CHI3L1: variants seen among roughly 807,000 people sequenced by gnomAD.
CHI3L1 encodes the protein chitinase-3-like protein 1.
Under a neutral mutation model 40.7 loss-of-function variants are expected in CHI3L1, and 30 were observed. The observed-to-expected ratio is 0.74, with a 90% confidence interval of 0.55 to 1.00. The LOEUF (loss-of-function observed/expected upper bound fraction) is 1.00. Among genes scored for constraint, CHI3L1 ranks in the 50% least tolerant of loss-of-function variants. CHI3L1 has a pLI of 0.00. For missense variants in CHI3L1, 493 were observed against 492.2 expected, an observed-to-expected ratio of 1.00 and a Z score of -0.01; for synonymous variants, 210 against 192.1, an observed-to-expected ratio of 1.09 and a Z score of -0.77.
chr1:203,185,968 C>T (rs1474799381), intron 2 of CHI3L1, among the ~76,000 whole-genome samples: 1 of 152,258 alleles, frequency 6.6e-6, no homozygotes, highest in East Asian at 1.9e-4. Flanking sequence ...AATCCTTCCT[C>T]GCCTCTAATT....
chr1:203,182,865 C>T lies in CHI3L1; in HGVS notation c.466-13G>A, dbSNP rs1558148628. The T allele has an allele frequency of 4.3e-6, 7 of 1,613,788 alleles. No individual in the cohort carries two copies. The highest frequency in any genetic ancestry group is 5.1e-6 in the Non-Finnish European group (6 of 1,179,860). On this transcript the variant is annotated splice_polypyrimidine_tract_variant and intron_variant, in intron 5 of 9. Transcript: ENST00000255409. ...CGGCCTTCATTTCCTAGATGGGAGA[C>T]AGGCAGGTGAGAGAAAGGGTCCCAA...
At chr1:203,182,251 G>C (rs1655952021) in intron 6 of CHI3L1, 1 of 161,064 alleles carries the variant, frequency 6.2e-6, no homozygotes, top group African/African-American at 2.4e-5. Flanking sequence ...GTTCCTCACA[G>C]GCATGAGGGG....
At position 203,179,840 on chromosome 1, in the gene CHI3L1, A is replaced by T; in HGVS notation, c.932T>A (p.Ile311Asn). The T allele has an allele frequency of 1.2e-6, 2 of 1,614,074 alleles. No individual in the cohort carries two copies. The highest frequency in any genetic ancestry group is 1.7e-6 in the Non-Finnish European group (2 of 1,179,988). Residue 311 changes from isoleucine to asparagine, a missense_variant, in exon 9 of 10, where the codon ATC (isoleucine) becomes AAC (asparagine). Ile to Asn is a moderately radical substitution (Grantham distance 149). Coordinates refer to ENST00000255409, the MANE Select transcript of CHI3L1 (RefSeq NM_001276.4). ...DFLRGATVHRILGQQVPYATK... is the reference protein window; with the variant it reads ...DFLRGATVHRNLGQQVPYATK... ...GGCATAGGGGACCTGCTGGCCGAGG[A>T]TTCTATGGACTGTGGCTCCGCGGAG... is the stretch of plus-strand genomic sequence containing the variant.
At chr1:203,185,491 TG>T in intron 2 of CHI3L1, 106 bp from the exon 3 acceptor site, 1 of 911,798 alleles carries the variant, frequency 1.1e-6, no homozygotes, top group Admixed American at 2.0e-5. Flanking sequence ...TAGGGAGGAG[TG>T]GGGTGCAGAT....
chr1:203,181,360 T>A, intron 6 of CHI3L1, 75 bp from the exon 7 acceptor site: 1 of 1,527,942 alleles, frequency 6.5e-7, no homozygotes, highest in Non-Finnish European at 8.9e-7. Context: ...TGGTGGCTCA[T>A]ACCTGGAATC....
Position 203,183,742 on chromosome 1 carries a change from A to G in CHI3L1, c.364T>C (p.Ser122Pro). 1 of 1,614,188 alleles carries G rather than the reference A, an allele frequency of 6.2e-7. No homozygotes were observed. The highest frequency in any genetic ancestry group is 8.5e-7 in the Non-Finnish European group (1 of 1,180,032). ...TGGGTGCGCAGAAATGGCGGTACTG[A>G]CTTGATGAAAGTCCGGCGACTCTGG... ...NTQSRRTFIK[S>P]VPPFLRTHGF... Residue 122 changes from serine (S) to proline (P), a missense_variant, in exon 5 of 10, where the codon TCA becomes CCA. Transcript: ENST00000255409.
At chr1:203,180,371 T>G in intron 8 of CHI3L1, 99 bp downstream of exon 8, 1 of 1,159,270 alleles carries the variant, frequency 8.6e-7, no homozygotes, top group South Asian at 1.6e-5. Flanking sequence ...ACATTTTCTT[T>G]ATTCCCAAAG....
At position 203,184,639 on chromosome 1, in the gene CHI3L1, A is replaced by T; in HGVS notation, c.258-7T>A. On this transcript the variant is annotated splice_polypyrimidine_tract_variant and splice_region_variant and intron_variant, in intron 3 of 9. Coordinates refer to ENST00000255409, the MANE Select transcript of CHI3L1 (RefSeq NM_001276.4). ...AGTCTTCAGGTTGGGGTTCCTGTGG[A>T]GCACAGGGAGGTGGGGAGGGCAGGA... The T allele has an allele frequency of 6.2e-7, 1 of 1,613,412 alleles. No homozygotes were observed. Among genetic ancestry groups the T allele is most frequent in the Non-Finnish European group, 8.5e-7 (1 of 1,179,440 alleles).
rs1350246734 is a variant in CHI3L1 at position 203,179,222 on chromosome 1, C to G, written c.*223G>C. 2.3e-5 allele frequency: 10 copies of G among 442,976 alleles called. No homozygotes were observed. The highest frequency in any genetic ancestry group is 2.2e-4 in the East Asian group (7 of 31,502). The allele number at this position is 442,976 out of a possible 1,614,324, so 27.4% of individuals were successfully genotyped here. A position where few individuals can be genotyped will look rare whatever the true frequency, so the allele number is the denominator to read the frequency against. On this transcript the variant is annotated 3_prime_UTR_variant, in exon 10 of 10. Transcript: ENST00000255409. ...CAACAAGTGTGTACTAATCCCGAGT[C>G]TTACATTGCGATGCCTCACTATCCC... is the stretch of plus-strand genomic sequence containing the variant.
At position 203,183,725 on chromosome 1, in the gene CHI3L1, C is replaced by T. The variant is rs745799077; in HGVS notation, c.381G>A (p.Leu127=). The T allele has an allele frequency of 7.2e-5, 116 of 1,614,082 alleles. No homozygotes were observed. Among genetic ancestry groups the T allele is most frequent in the Non-Finnish European group, 9.5e-5 (112 of 1,180,048 alleles). Reference sequence around the variant, plus strand: ...CCAGCCCATCAAAGCCATGGGTGCGCAGAAATGGCGGTACTGACTTGATGA... The same window carrying T: ...CCAGCCCATCAAAGCCATGGGTGCGTAGAAATGGCGGTACTGACTTGATGA... ...RTFIKSVPPF[L]RTHGFDGLDL... is the part of the protein sequence containing the mutation. Residue 127 remains leucine, a synonymous_variant, in exon 5 of 10, where the codon CTG becomes CTA. Transcript: ENST00000255409.
At position 203,180,668 on chromosome 1, in the gene CHI3L1, TG is replaced by T; in HGVS notation, c.712-17del. 3 of 873,226 alleles carry T rather than the reference TG, an allele frequency of 3.4e-6. No homozygotes were observed. Among genetic ancestry groups the T allele is most frequent in the Non-Finnish European group, 5.4e-6 (3 of 557,562 alleles). The allele number at this position is 873,226 out of a possible 1,614,324, so 54.1% of individuals were successfully genotyped here. On this transcript the variant is annotated splice_polypyrimidine_tract_variant and intron_variant, in intron 7 of 9. Coordinates refer to ENST00000255409, the MANE Select transcript of CHI3L1 (RefSeq NM_001276.4). The stretch of plus-strand genomic sequence containing the variant: ...CAGCATAGTCCTGGGTGGGGTAGGG[TG>T]GGAACAACGTGAGCAGTTAGTGCAC...
In CHI3L1 at chr1:203,180,567, G is replaced by C; in HGVS notation, c.797C>G (p.Thr266Ser). Residue 266 changes from threonine to serine, a missense_variant, in exon 8 of 10, where the codon ACT (threonine) becomes AGT (serine). By Grantham distance (58) the Thr-to-Ser change is moderately conservative. Coordinates refer to ENST00000255409, the MANE Select transcript of CHI3L1 (RefSeq NM_001276.4). ...MGIPTFGRSF[T>S]LASSETGVGA... ...AACACCAGTCTCAGAAGAAGCCAGA[G>C]TGAAGCTCCTCCCGAAGGTGGGGAT... 1 of 1,611,154 alleles carries C rather than the reference G, an allele frequency of 6.2e-7. No homozygotes were observed. Among genetic ancestry groups the C allele is most frequent in the Non-Finnish European group, 8.5e-7 (1 of 1,179,004 alleles).
chr1:203,179,661 G>C (rs746542665), intron 9 of CHI3L1, 76 bp from the exon 10 acceptor site: 35 of 1,613,742 alleles, frequency 2.2e-5, no homozygotes, highest in Non-Finnish European at 3.0e-5. Context: ...TGCTCTGTGA[G>C]CCCAGCCCAG....
Position 203,186,649 on chromosome 1 carries a change from G to A in CHI3L1, c.-26C>T. 6.2e-7 allele frequency: 1 copy of A among 1,614,010 alleles called. No homozygotes were observed. The highest frequency in any genetic ancestry group is 1.7e-5 in the Admixed American group (1 of 60,016). The stretch of plus-strand genomic sequence containing the variant: ...TCTGGCTGCAGCAGAGCAGGGCAGG[G>A]TGTGGCCTCTTCCCTTGCCCACGGC... On this transcript the variant is annotated 5_prime_UTR_variant, in exon 1 of 10. Transcript: ENST00000255409.
chr1:203,181,513 C>T (rs766142331), intron 6 of CHI3L1: 6 of 367,256 alleles, frequency 1.6e-5, no homozygotes, highest in East Asian at 6.7e-5. Flanking sequence ...CCCAGCTACT[C>T]GGGAGGCTGA....
intron 7 of CHI3L1, among the ~76,000 whole-genome samples, chr1:203,180,896 C>T (rs1449920177): frequency 3.3e-5 from 5 of 152,212 alleles, no homozygotes; most frequent in South Asian, 2.1e-4. Context: ...GTGGTTGGCT[C>T]TGAGGGCACA....
At position 203,186,320 on chromosome 1, in the gene CHI3L1, C is replaced by T; in HGVS notation, c.51G>A (p.Gln17=). 1 of 1,590,700 alleles carries T rather than the reference C, an allele frequency of 6.3e-7. No homozygotes were observed. ...QTGFVVLVLL[Q]CCSAYKLVCY... is the part of the protein sequence containing the mutation. ...GGAGGTGGAGGGATTACTCACAGCACTGGAGCAGCACCAGGACCACAAAGC... is the reference window on the plus strand; with the variant it reads ...GGAGGTGGAGGGATTACTCACAGCATTGGAGCAGCACCAGGACCACAAAGC... Residue 17 remains glutamine (Q), a synonymous_variant, in exon 2 of 10, where the codon CAG becomes CAA. Transcript: ENST00000255409.
intron 6 of CHI3L1, 74 bp downstream of exon 6, chr1:203,182,657 T>A: frequency 6.4e-7 from 1 of 1,574,346 alleles, no homozygotes; most frequent in Non-Finnish European, 8.7e-7. Context: ...CATGGAGTGC[T>A]AGGGCTGGGG....
intron 3 of CHI3L1, 68 bp downstream of exon 3, chr1:203,185,116 G>A: frequency 2.2e-6 from 3 of 1,377,116 alleles, no homozygotes; most frequent in African/African-American, 1.4e-5. Flanking sequence ...CCTTCCTCCT[G>A]GGTGGGGTTG....
Sources: gnomAD v4.1 joint callset for allele counts (sites outside exome capture counted in the v4.1 genomes callset) on GRCh38, gnomAD v4.1.1 for gene constraint, MANE v1.5 for transcripts, NCBI Gene and HGNC (gene_info 2026-07-23, HGNC 2026-07-21) for gene names.